The following KCNQ1OT1 variants were observed in gnomAD, a reference collection of about 807,000 sequenced individuals.
KCNQ1OT1 encodes the protein KCNQ1 antisense RNA 2 (non-protein coding).
chr11:2,612,147 A>G lies in KCNQ1OT1; in HGVS notation n.87848T>C. On this transcript the variant is annotated non_coding_transcript_exon_variant, in exon 1 of 1. Transcript: ENST00000597346. This position sits in a 1 kb window ranked among gnomAD's most constrained non-coding sequence, Gnocchi z 5.5. ...GACTGGTACCAGTCTGTGGCCTATTAGAAACTGGGCTACACAGCAGGAGGT... is the reference window on the plus strand; with the variant it reads ...GACTGGTACCAGTCTGTGGCCTATTGGAAACTGGGCTACACAGCAGGAGGT... The G allele has an allele frequency of 5.0e-6, 2 of 398,626 alleles. No homozygotes were observed. The highest frequency in any genetic ancestry group is 6.3e-4 in the Middle Eastern group (1 of 1,588). The allele number at this position is 398,626 out of a possible 1,614,324, so 24.7% of individuals were successfully genotyped here. A position where few individuals can be genotyped will look rare whatever the true frequency, so the allele number is the denominator to read the frequency against.
At chr11:2,665,815 C>T (rs1317025349) in exon 1 of KCNQ1OT1, 4 of 398,504 alleles carry the variant, frequency 1.0e-5, no homozygotes, top group East Asian at 3.6e-5. Context: ...ACTGCAGACA[C>T]ATTGTGCCAG....
exon 1 of KCNQ1OT1, chr11:2,696,703 T>C: frequency 2.5e-6 from 1 of 398,642 alleles, no homozygotes; most frequent in Non-Finnish European, 4.4e-6. Context: ...AAAATGTCTC[T>C]GCATATGGAA....
exon 1 of KCNQ1OT1, chr11:2,667,714 G>A: frequency 2.5e-6 from 1 of 398,786 alleles, no homozygotes; most frequent in Non-Finnish European, 4.4e-6. Context: ...AAGTCTGGAA[G>A]CCGTGTCCCC....
chr11:2,695,706 C>G lies in KCNQ1OT1; in HGVS notation n.4289G>C. On this transcript the variant is annotated non_coding_transcript_exon_variant, in exon 1 of 1. Transcript: ENST00000597346. This position sits in a 1 kb window ranked among gnomAD's most constrained non-coding sequence, Gnocchi z 5.2. ...AGCTCTTCAGAACGTCTGTGCCTGTCTCCGTCCCCACCTGCAGCACACAGG... is the reference window on the plus strand; with the variant it reads ...AGCTCTTCAGAACGTCTGTGCCTGTGTCCGTCCCCACCTGCAGCACACAGG... 2.5e-6 allele frequency: 1 copy of G among 398,670 alleles called. No individual in the cohort carries two copies. The highest frequency in any genetic ancestry group is 4.4e-6 in the Non-Finnish European group (1 of 226,088). The allele number at this position is 398,670 out of a possible 1,614,324, so 24.7% of individuals were successfully genotyped here. A position where few individuals can be genotyped will look rare whatever the true frequency, so the allele number is the denominator to read the frequency against.
At chr11:2,643,597 T>G in exon 1 of KCNQ1OT1, 1 of 398,516 alleles carries the variant, frequency 2.5e-6, no homozygotes, top group Non-Finnish European at 4.4e-6. Context: ...TGTTTTTAAG[T>G]CCATTCAGCC....
In KCNQ1OT1 at chr11:2,628,774, A is replaced by G. The variant is rs77507212; in HGVS notation, n.71221T>C. 12 of 398,190 alleles carry G rather than the reference A, an allele frequency of 3.0e-5. No homozygotes were observed. In the East Asian group the frequency reaches 3.9e-4, roughly 13 times the overall value. 24.7% of individuals were successfully genotyped at this position (398,190 alleles called of 1,614,324 possible). A position where few individuals can be genotyped will look rare whatever the true frequency, so the allele number is the denominator to read the frequency against. ...TTATGGTTTCAGGTCATATGTTTAA[A>G]TCTTATTCACTTTTCTCTACAGTGT... On this transcript the variant is annotated non_coding_transcript_exon_variant, in exon 1 of 1. Coordinates refer to ENST00000597346, the Ensembl canonical transcript of KCNQ1OT1.
chr11:2,629,197 G>A (rs987411879), exon 1 of KCNQ1OT1: 23 of 397,776 alleles, frequency 5.8e-5, no homozygotes, highest in Non-Finnish European at 8.9e-5. Context: ...TAGCTATTTC[G>A]GCAATATTTA....
chr11:2,642,516 A>G lies in KCNQ1OT1; in HGVS notation n.57479T>C. ...TTTGTATTTCATGGTATGAGTTGTA[A>G]TATCCCCTTTTTCATTTTTGATTTT... On this transcript the variant is annotated non_coding_transcript_exon_variant, in exon 1 of 1. Transcript: ENST00000597346. The surrounding 1 kb of genome is among the most constrained non-coding windows in gnomAD (Gnocchi z 4.3). The G allele has an allele frequency of 5.0e-6, 2 of 397,924 alleles. No individual in the cohort carries two copies. The highest frequency in any genetic ancestry group is 8.9e-6 in the Non-Finnish European group (2 of 225,688). The allele number at this position is 397,924 out of a possible 1,614,324, so 24.6% of individuals were successfully genotyped here.
chr11:2,654,454 CG>C lies in KCNQ1OT1; in HGVS notation n.45540del, dbSNP rs1378383442. The C allele has an allele frequency of 5.0e-6, 2 of 398,492 alleles. No homozygotes were observed. Among genetic ancestry groups the C allele is most frequent in the Non-Finnish European group, 8.8e-6 (2 of 226,172 alleles). The allele number at this position is 398,492 out of a possible 1,614,324, so 24.7% of individuals were successfully genotyped here. ...CAGAAGGCAAGGTTCCCGTGCTGAGCGCCAGGCACACATAAGCCCTGCAGCC... is the reference window on the plus strand; with the variant it reads ...CAGAAGGCAAGGTTCCCGTGCTGAGCCCAGGCACACATAAGCCCTGCAGCC... On this transcript the variant is annotated non_coding_transcript_exon_variant, in exon 1 of 1. Transcript: ENST00000597346. This position sits in a 1 kb window ranked among gnomAD's most constrained non-coding sequence, Gnocchi z 6.4.
At chr11:2,615,223 A>T (rs982460610) in exon 1 of KCNQ1OT1, 7 of 398,064 alleles carry the variant, frequency 1.8e-5, no homozygotes, top group African/African-American at 1.4e-4. Flanking sequence ...TAGAGGCACA[A>T]ATGATTTTCT....
exon 1 of KCNQ1OT1, chr11:2,640,824 C>T (rs1849564387): frequency 5.0e-6 from 2 of 398,856 alleles, no homozygotes; most frequent in South Asian, 1.3e-4. Context: ...CCTCTCTTCA[C>T]CCTCCAGACA....
chr11:2,660,054 A>C (rs1849923232), exon 1 of KCNQ1OT1: 1 of 398,280 alleles, frequency 2.5e-6, no homozygotes, highest in African/African-American at 2.1e-5. Context: ...ATAAAGTCCA[A>C]TTTGTTGATT....
At position 2,675,139 on chromosome 11, in the gene KCNQ1OT1, C is replaced by T. The variant is rs563389663; in HGVS notation, n.24856G>A. The T allele has an allele frequency of 7.5e-6, 3 of 398,630 alleles. No individual in the cohort carries two copies. In the Admixed American group the frequency reaches 1.3e-4, roughly 18 times the overall value. The allele number at this position is 398,630 out of a possible 1,614,324, so 24.7% of individuals were successfully genotyped here. A position where few individuals can be genotyped will look rare whatever the true frequency, so the allele number is the denominator to read the frequency against. On this transcript the variant is annotated non_coding_transcript_exon_variant, in exon 1 of 1. Transcript: ENST00000597346. The stretch of plus-strand genomic sequence containing the variant: ...GGTTCACTAGCCTCTTTCTCCCATC[C>T]TTCACCCTATTAGAGGTAGTGCTCT...
At chr11:2,665,624 G>T (rs868319303) in exon 1 of KCNQ1OT1, 39 of 397,588 alleles carry the variant, frequency 9.8e-5, no homozygotes, top group South Asian at 6.5e-4. Context: ...CTGTACGGCT[G>T]TGTCCTCCTT....
Position 2,608,816 on chromosome 11 carries a change from T to A in KCNQ1OT1, n.91179A>T, listed in dbSNP as rs1043683537. The A allele has an allele frequency of 2.5e-6, 1 of 398,404 alleles. No homozygotes were observed. Among genetic ancestry groups the A allele is most frequent in the African/African-American group, 2.1e-5 (1 of 48,584 alleles). The allele number at this position is 398,404 out of a possible 1,614,324, so 24.7% of individuals were successfully genotyped here. On this transcript the variant is annotated non_coding_transcript_exon_variant, in exon 1 of 1. Transcript: ENST00000597346. The surrounding 1 kb of genome is among the most constrained non-coding windows in gnomAD (Gnocchi z 4.6). The stretch of plus-strand genomic sequence containing the variant: ...GTTTTTTTGCTTTAATTTGTAAAAC[T>A]GTCATTCATTTCTGATTTTAGTAAT...
At position 2,659,444 on chromosome 11, in the gene KCNQ1OT1, C is replaced by G. The variant is rs960330024; in HGVS notation, n.40551G>C. 1.3e-5 allele frequency: 5 copies of G among 398,398 alleles called. No homozygotes were observed. The highest frequency in any genetic ancestry group is 2.5e-4 in the South Asian group (2 of 7,866). The allele number at this position is 398,398 out of a possible 1,614,324, so 24.7% of individuals were successfully genotyped here. A position where few individuals can be genotyped will look rare whatever the true frequency, so the allele number is the denominator to read the frequency against. ...TGTTGCATAAATCATTAGTTAATTT[C>G]TTTTTATTGCTGGGTGGTATTCCAT... On this transcript the variant is annotated non_coding_transcript_exon_variant, in exon 1 of 1. Coordinates refer to ENST00000597346, the Ensembl canonical transcript of KCNQ1OT1. The surrounding 1 kb of genome is among the most constrained non-coding windows in gnomAD (Gnocchi z 4.3).
chr11:2,693,667 A>C (rs535643464), exon 1 of KCNQ1OT1: 4 of 398,676 alleles, frequency 1.0e-5, no homozygotes, highest in Admixed American at 4.4e-5. Flanking sequence ...AGTTCCGCAG[A>C]CAGAGCAGCC....
In KCNQ1OT1 at chr11:2,695,027, G is replaced by C. The variant is rs982598744; in HGVS notation, n.4968C>G. 7 of 398,562 alleles carry C rather than the reference G, an allele frequency of 1.8e-5. No homozygotes were observed. Among genetic ancestry groups the C allele is most frequent in the African/African-American group, 1.4e-4 (7 of 48,630 alleles). The allele number at this position is 398,562 out of a possible 1,614,324, so 24.7% of individuals were successfully genotyped here. On this transcript the variant is annotated non_coding_transcript_exon_variant, in exon 1 of 1. Coordinates refer to ENST00000597346, the Ensembl canonical transcript of KCNQ1OT1. This position sits in a 1 kb window ranked among gnomAD's most constrained non-coding sequence, Gnocchi z 5.2. Reference sequence around the variant, plus strand: ...GTGAGGGAGGACAGTGGTCAGAGAGGTAAGCAGGGCAGATCTTGTAAAAAC... The same window carrying C: ...GTGAGGGAGGACAGTGGTCAGAGAGCTAAGCAGGGCAGATCTTGTAAAAAC...
In KCNQ1OT1 at chr11:2,674,401, G is replaced by T. The variant is rs928202759; in HGVS notation, n.25594C>A. 1.1e-4 allele frequency: 44 copies of T among 398,390 alleles called. No individual in the cohort carries two copies. In the East Asian group the frequency reaches 1.6e-3, roughly 14 times the overall value. The allele number at this position is 398,390 out of a possible 1,614,324, so 24.7% of individuals were successfully genotyped here. On this transcript the variant is annotated non_coding_transcript_exon_variant, in exon 1 of 1. Coordinates refer to ENST00000597346, the Ensembl canonical transcript of KCNQ1OT1. The surrounding 1 kb of genome is among the most constrained non-coding windows in gnomAD (Gnocchi z 5.9). ...TTAGGGAAGGTGCATGCGTGCGTGT[G>T]TGTGTGCGCGCCCGCGCGCACACGA... is the stretch of plus-strand genomic sequence containing the variant.
Sources: gnomAD v4.1 joint callset for allele counts on GRCh38, gnomAD v4.1.1 for gene constraint, Gnocchi (gnomAD v3.1) non-coding constraint, MANE v1.5 for transcripts, NCBI Gene and HGNC (gene_info 2026-07-23, HGNC 2026-07-21) for gene names.